Variants in HSH2D observed in about 807,000 individuals in gnomAD.
The protein encoded by HSH2D is hematopoietic SH2 domain-containing protein.
HSH2D carries 16 observed loss-of-function variants against 21.5 expected under a neutral mutation model. That is an observed-to-expected ratio of 0.74 (90% CI 0.50 to 1.13). The LOEUF (loss-of-function observed/expected upper bound fraction) is 1.13. HSH2D is among the 50% of genes most tolerant of loss of function. HSH2D has a pLI of 0.00. For missense variants in HSH2D, 418 were observed against 441.4 expected (o/e 0.95, Z 0.47); for synonymous variants, 172 against 184.7 (o/e 0.93, Z 0.56).
At chr19:16,156,717 G>A (rs573507478) in intron 5 of HSH2D, among the ~76,000 whole-genome samples, 1 of 152,192 alleles carries the variant, frequency 6.6e-6, no homozygotes, top group East Asian at 1.9e-4. Context: ...GCCAGGTGCG[G>A]TGGCTCTCAT....
upstream of HSH2D, chr19:16,143,651 A>G: frequency 2.5e-6 from 1 of 405,820 alleles, no homozygotes; most frequent in Non-Finnish European, 5.0e-6. Context: ...GCTTGAGGAA[A>G]CAGGAACTGC....
intron 1 of HSH2D, among the ~76,000 whole-genome samples, chr19:16,144,620 G>A (rs1207909821): frequency 2.0e-5 from 3 of 151,342 alleles, no homozygotes; most frequent in Non-Finnish European, 2.9e-5. Flanking sequence ...CTTATCTGAG[G>A]TCACACAGCG....
At chr19:16,140,462 A>G (rs538006937), upstream of HSH2D, among the ~76,000 whole-genome samples, 57 of 152,208 alleles carry the variant, frequency 3.7e-4, no homozygotes, top group Non-Finnish European at 7.5e-4. Flanking sequence ...AAAATTAGCC[A>G]GGAGTGGTGG....
intron 1 of HSH2D, among the ~76,000 whole-genome samples, chr19:16,146,393 C>G (rs549387373): frequency 6.6e-6 from 1 of 152,256 alleles, no homozygotes; most frequent in South Asian, 2.1e-4. Flanking sequence ...GAAACCAAGG[C>G]AGCCAGGCAC....
chr19:16,144,480 G>A (rs950663242), intron 1 of HSH2D, among the ~76,000 whole-genome samples: 3 of 151,802 alleles, frequency 2.0e-5, no homozygotes, highest in Non-Finnish European at 4.4e-5. Flanking sequence ...CCCATGATAG[G>A]TCACAACTGG....
chr19:16,149,688 G>A (rs555412286), intron 2 of HSH2D, among the ~76,000 whole-genome samples: 1 of 150,756 alleles, frequency 6.6e-6, no homozygotes, highest in East Asian at 2.0e-4. Context: ...CTGGGTTCAA[G>A]CAATCCTCCT....
upstream of HSH2D, among the ~76,000 whole-genome samples, chr19:16,139,556 G>A (rs2090985659): frequency 6.6e-6 from 1 of 152,094 alleles, no homozygotes; most frequent in African/African-American, 2.4e-5. Flanking sequence ...ACTTCAGCCT[G>A]GGCAACAGAG....
rs2091260148 is a variant in HSH2D, at chr19:16,157,963, G to A, written c.*169G>A. 1 of 563,100 alleles carries A rather than the reference G, an allele frequency of 1.8e-6. No homozygotes were observed. The highest frequency in any genetic ancestry group is 3.3e-5 in the Admixed American group (1 of 30,580). The allele number at this position is 563,100 out of a possible 1,614,324, so 34.9% of individuals were successfully genotyped here. Reference sequence around the variant, plus strand: ...CTGTTCCTGCACTCACCCATGGGGTGAGCTGGTTATTTTAGCAACAATCAT... The same window carrying A: ...CTGTTCCTGCACTCACCCATGGGGTAAGCTGGTTATTTTAGCAACAATCAT... On this transcript the variant is annotated 3_prime_UTR_variant, in exon 6 of 6. Transcript: ENST00000613986. The surrounding 1 kb of genome is among the most constrained non-coding windows in gnomAD (Gnocchi z 4.4).
At chr19:16,137,434 C>T (rs62117914) in intron 1 of HSH2D, among the ~76,000 whole-genome samples, 29,704 of 151,964 alleles carry the variant, frequency 0.2, 3,671 homozygotes, top group Non-Finnish European at 0.27. Context: ...TCGAGACCAG[C>T]CTGGCCAATA....
intron 1 of HSH2D, among the ~76,000 whole-genome samples, chr19:16,145,069 C>T (rs1288624480): frequency 5.1e-5 from 5 of 97,500 alleles, no homozygotes; most frequent in Non-Finnish European, 7.9e-5. Context: ...GACAGAGTTT[C>T]GCTCTGTTGC....
At position 16,154,415 on chromosome 19, in the gene HSH2D, T is replaced by C. The variant is rs758768377; in HGVS notation, c.398T>C (p.Val133Ala). Residue 133 changes from valine to alanine, a missense_variant, in exon 5 of 6, where the codon GTG (valine) becomes GCG (alanine). By Grantham distance (64) the Val-to-Ala change is moderately conservative. Coordinates refer to ENST00000613986, the MANE Select transcript of HSH2D (RefSeq NM_001382417.1). ...QPCRQKDPAN[V>A]DYEDLFLYSN... ...GCCCTGCAGAAGGATCCCGCAAACGTGGATTACGAGGATCTCTTCCTCTAC... is the reference window on the plus strand; with the variant it reads ...GCCCTGCAGAAGGATCCCGCAAACGCGGATTACGAGGATCTCTTCCTCTAC... 5.2e-6 allele frequency: 8 copies of C among 1,551,104 alleles called. No homozygotes were observed. The highest frequency in any genetic ancestry group is 7.0e-6 in the Non-Finnish European group (8 of 1,146,948).
rs1049715286 is a variant in HSH2D, at chr19:16,158,063, G to A, written c.*269G>A. The stretch of plus-strand genomic sequence containing the variant: ...CCAGACCTTCTATTCATTATTTTAC[G>A]CCTCAGAGCAAGGCCCTCAGGGAGG... On this transcript the variant is annotated 3_prime_UTR_variant, in exon 6 of 6. Coordinates refer to ENST00000613986, the MANE Select transcript of HSH2D (RefSeq NM_001382417.1). 7.7e-6 allele frequency: 3 copies of A among 388,226 alleles called. No homozygotes were observed. Among genetic ancestry groups the A allele is most frequent in the Middle Eastern group, 6.9e-4 (1 of 1,450 alleles). 24.0% of individuals were successfully genotyped at this position (388,226 alleles called of 1,614,324 possible).
In HSH2D at chr19:16,152,577, C is replaced by T; in HGVS notation, c.151C>T (p.Gln51Ter). The change falls in exon 3 of 6, where the codon CAG becomes TAG. Residue 51 changes from glutamine (Q) to a stop codon, truncating the protein, a stop_gained. Coordinates refer to ENST00000613986, the MANE Select transcript of HSH2D (RefSeq NM_001382417.1). LOFTEE classifies it high-confidence loss of function. Reference sequence around the variant, plus strand: ...GGATGCTGAGAACTTGCTGGAGTCACAGCCACTGGGATCCTTTCTCATCAG... The same window carrying T: ...GGATGCTGAGAACTTGCTGGAGTCATAGCCACTGGGATCCTTTCTCATCAG... ...REDAENLLES[Q>*]PLGSFLIRVS... 1 of 1,507,262 alleles carries T rather than the reference C, an allele frequency of 6.6e-7. No homozygotes were observed. Among genetic ancestry groups the T allele is most frequent in the Non-Finnish European group, 8.8e-7 (1 of 1,130,266 alleles). The allele number at this position is 1,507,262 out of a possible 1,614,324, so 93.4% of individuals were successfully genotyped here.
rs761813062 is a variant in HSH2D at position 16,154,510 on chromosome 19, G to A, written c.474+19G>A. On this transcript the variant is annotated intron_variant, in intron 5 of 5. Transcript: ENST00000613986. ...TGAGGAGGTATGTATATGACAGGAG[G>A]CTGGCACCTCCCACCTGGCTGAGGG... 8.6e-6 allele frequency: 13 copies of A among 1,509,354 alleles called. No individual in the cohort carries two copies. The highest frequency in any genetic ancestry group is 1.2e-5 in the Non-Finnish European group (13 of 1,110,060). The allele number at this position is 1,509,354 out of a possible 1,614,324, so 93.5% of individuals were successfully genotyped here.
chr19:16,151,325 C>CA (rs781392050), intron 2 of HSH2D: 6,727 of 108,402 alleles, frequency 0.062, 38 homozygotes, highest in Middle Eastern at 0.077. Flanking sequence ...AACTCCAACT[C>CA]AAAAAAAAAA....
chr19:16,135,131 G>A (rs2090953128), intron 1 of HSH2D, among the ~76,000 whole-genome samples: 1 of 151,978 alleles, frequency 6.6e-6, no homozygotes, highest in African/African-American at 2.4e-5. Context: ...CAAAAATTAG[G>A]CATGGTTGCA....
intron 4 of HSH2D, 115 bp from the exon 5 acceptor site, chr19:16,154,284 C>G (rs1353362564): frequency 1.6e-6 from 1 of 626,496 alleles, no homozygotes; most frequent in East Asian, 2.9e-5. Context: ...TGGGCGTGGC[C>G]TAGGTACTAA....
chr19:16,148,876 G>A lies in HSH2D; in HGVS notation c.125+1G>A. ...GGTTCCATGGTGCAATCTCAAGAGA[G>A]TGAGGACACACCCACACCCTCCACC... On this transcript the variant is annotated splice_donor_variant, in intron 2 of 5. Coordinates refer to ENST00000613986, the MANE Select transcript of HSH2D (RefSeq NM_001382417.1). LOFTEE classifies it high-confidence loss of function. 6.2e-7 allele frequency: 1 copy of A among 1,611,094 alleles called. No individual in the cohort carries two copies. Among genetic ancestry groups the A allele is most frequent in the Non-Finnish European group, 8.5e-7 (1 of 1,178,318 alleles).
At position 16,158,565 on chromosome 19, in the gene HSH2D, A is replaced by T. The variant is rs183039132; in HGVS notation, c.*771A>T. The T allele has an allele frequency of 1.1e-3, 172 of 152,256 alleles. No individual in the cohort carries two copies. Among genetic ancestry groups the T allele is most frequent in the African/African-American group, 4.1e-3 (170 of 41,546 alleles). 9.4% of individuals were successfully genotyped at this position (152,256 alleles called of 1,614,324 possible). On this transcript the variant is annotated 3_prime_UTR_variant, in exon 6 of 6. Transcript: ENST00000613986. ...TAAATAAATAAATAAAAATGAAATTAAAAAATAAAAGCACGCTGCAGGGTC... is the reference window on the plus strand; with the variant it reads ...TAAATAAATAAATAAAAATGAAATTTAAAAATAAAAGCACGCTGCAGGGTC...
Sources: gnomAD v4.1 joint callset for allele counts (sites outside exome capture counted in the v4.1 genomes callset) on GRCh38, gnomAD v4.1.1 for gene constraint, Gnocchi (gnomAD v3.1) non-coding constraint, MANE v1.5 for transcripts, NCBI Gene and HGNC (gene_info 2026-07-23, HGNC 2026-07-21) for gene names.